Variants in TMEM132D observed in about 807,000 individuals in gnomAD.
TMEM132D encodes mature OL transmembrane protein.
TMEM132D carries 21 observed loss-of-function variants against 62.3 expected under a neutral mutation model. That is an observed-to-expected ratio of 0.34 (90% CI 0.24 to 0.49). The LOEUF (loss-of-function observed/expected upper bound fraction) is 0.49. Among genes scored for constraint, TMEM132D ranks in the 20% least tolerant of loss-of-function variants. The pLI is 0.99. For synonymous variants in TMEM132D, 621 were observed against 575.6 expected (o/e 1.08, Z -1.13); for missense variants, 1,346 against 1,402.8 (o/e 0.96, Z 0.65).
chr12:129,430,409 C>T (rs577496158), intron 3 of TMEM132D, among the ~76,000 whole-genome samples: 5 of 152,260 alleles, frequency 3.3e-5, no homozygotes, highest in East Asian at 3.9e-4. Flanking sequence ...TCATATCCTT[C>T]GCCCACTTTT....
intron 3 of TMEM132D, among the ~76,000 whole-genome samples, chr12:129,484,831 G>T (rs185547213): frequency 9.2e-5 from 14 of 152,302 alleles, no homozygotes; most frequent in Admixed American, 4.6e-4. Flanking sequence ...CAAAAGATAA[G>T]AATTCAAAAC....
At chr12:129,645,945 TC>T (rs1351001791) in intron 2 of TMEM132D, among the ~76,000 whole-genome samples, 1 of 151,988 alleles carries the variant, frequency 6.6e-6, no homozygotes, top group African/African-American at 2.4e-5. Context: ...CTCCCCTCCC[TC>T]CCCCAGAAAA....
rs115880646 is a variant in TMEM132D at position 129,743,322 on chromosome 12, G to A, written c.80-42624C>T. ...GTGCTGTGGGAGGGACCCAATGGGA[G>A]ATAATTTAATCATAGTGGCAGTTAC... On this transcript the variant is annotated intron_variant, in intron 1 of 8. Coordinates refer to ENST00000422113, the MANE Select transcript of TMEM132D (RefSeq NM_133448.3). Among the ~76,000 whole-genome samples, 541 of 152,356 alleles carry A rather than the reference G, an allele frequency of 3.6e-3. 7 individuals carry two copies. Among genetic ancestry groups the A allele is most frequent in the African/African-American group, 0.012 (509 of 41,590 alleles).
chr12:129,737,795 G>A (rs768546822), intron 1 of TMEM132D, among the ~76,000 whole-genome samples: 26 of 152,192 alleles, frequency 1.7e-4, no homozygotes, highest in Non-Finnish European at 3.1e-4. Flanking sequence ...ATTATCTAAA[G>A]TTAACATTCA....
intron 1 of TMEM132D, among the ~76,000 whole-genome samples, chr12:129,902,707 G>C (rs1206293784): frequency 6.6e-6 from 1 of 152,178 alleles, no homozygotes; most frequent in Non-Finnish European, 1.5e-5. Flanking sequence ...ACCTCACAGC[G>C]GCAGACCTGG....
intron 1 of TMEM132D, among the ~76,000 whole-genome samples, chr12:129,795,004 AG>A (rs1341488042): frequency 6.6e-6 from 1 of 152,172 alleles, no homozygotes; most frequent in Non-Finnish European, 1.5e-5. Flanking sequence ...CAGCCTACCC[AG>A]GTTTGTTTGA....
intron 1 of TMEM132D, among the ~76,000 whole-genome samples, chr12:129,782,564 G>T (rs1739694307): frequency 6.6e-6 from 1 of 152,236 alleles, no homozygotes; most frequent in Non-Finnish European, 1.5e-5. Flanking sequence ...CCCCATTCCT[G>T]CCTGTGCCCC....
At chr12:129,480,418 T>C (rs1036628997) in intron 3 of TMEM132D, among the ~76,000 whole-genome samples, 4 of 152,220 alleles carry the variant, frequency 2.6e-5, no homozygotes, top group Admixed American at 6.5e-5. Context: ...GCTGCTGTGT[T>C]GGGACTCAAA....
rs922932499 is a variant in TMEM132D, at chr12:129,702,739, G to A, written c.80-2041C>T. ...AATGACACGCAAGGCTTTTTTCTCT[G>A]CTGTATTCACAGTCTTTAAGAGAGT... On this transcript the variant is annotated intron_variant, in intron 1 of 8. Coordinates refer to ENST00000422113, the MANE Select transcript of TMEM132D (RefSeq NM_133448.3). Among the ~76,000 whole-genome samples the A allele has an allele frequency of 9.8e-5, 15 of 152,306 alleles. No individual in the cohort carries two copies. The South Asian group carries it at 1.0e-3, about 11-fold the overall frequency.
intron 4 of TMEM132D, among the ~76,000 whole-genome samples, chr12:129,275,068 C>T (rs1351752162): frequency 6.6e-6 from 1 of 152,028 alleles, no homozygotes; most frequent in African/African-American, 2.4e-5. Context: ...TTCCTTGAGG[C>T]CAGGAGTTTA....
At chr12:129,623,298 A>G (rs1160161919) in intron 2 of TMEM132D, among the ~76,000 whole-genome samples, 2 of 152,080 alleles carry the variant, frequency 1.3e-5, no homozygotes, top group African/African-American at 4.8e-5. Context: ...TTTTATTTCA[A>G]TAGCTTTAGG....
At chr12:129,355,764 T>A (rs1397526617) in intron 3 of TMEM132D, among the ~76,000 whole-genome samples, 1 of 152,234 alleles carries the variant, frequency 6.6e-6, no homozygotes, top group Admixed American at 6.5e-5. Context: ...TAACAATCTG[T>A]ACCTGCAACT....
chr12:129,318,327 A>G (rs1593335217), intron 4 of TMEM132D, among the ~76,000 whole-genome samples: 1 of 152,162 alleles, frequency 6.6e-6, no homozygotes, highest in East Asian at 1.9e-4. Flanking sequence ...CTTTTGTCCC[A>G]TGGGGTAGTC....
At chr12:129,529,281 C>T (rs1876147467) in intron 3 of TMEM132D, among the ~76,000 whole-genome samples, 1 of 152,168 alleles carries the variant, frequency 6.6e-6, no homozygotes, top group Non-Finnish European at 1.5e-5. Context: ...ATTCAGGGTC[C>T]TCGTTTCTTA....
intron 2 of TMEM132D, among the ~76,000 whole-genome samples, chr12:129,612,967 A>G (rs1017163350): frequency 7.9e-5 from 12 of 152,194 alleles, no homozygotes; most frequent in Non-Finnish European, 1.8e-4. Flanking sequence ...CTGTTTTTCA[A>G]CTTTGTAAGG....
chr12:129,807,418 A>C (rs1046904443), intron 1 of TMEM132D, among the ~76,000 whole-genome samples: 8 of 152,104 alleles, frequency 5.3e-5, no homozygotes, highest in Non-Finnish European at 4.4e-5. Flanking sequence ...TCTCCACTAA[A>C]GTTCACAGGT....
At chr12:129,175,376 C>G (rs577747542) in intron 5 of TMEM132D, among the ~76,000 whole-genome samples, 34 of 152,260 alleles carry the variant, frequency 2.2e-4, no homozygotes, top group Non-Finnish European at 4.1e-4. Flanking sequence ...TTTGATACCA[C>G]CACTTATTGC....
intron 3 of TMEM132D, among the ~76,000 whole-genome samples, chr12:129,421,579 C>T (rs1227753390): frequency 6.6e-6 from 1 of 152,154 alleles, no homozygotes; most frequent in Non-Finnish European, 1.5e-5. Flanking sequence ...TCAAAAGGTC[C>T]ACAGTGCTGA....
At chr12:129,588,196 A>C (rs998595355) in intron 2 of TMEM132D, among the ~76,000 whole-genome samples, 1 of 152,256 alleles carries the variant, frequency 6.6e-6, no homozygotes, top group African/African-American at 2.4e-5. Flanking sequence ...TCATTCGCTT[A>C]ATTCCATATT....
Sources: gnomAD v4.1 joint callset for allele counts (sites outside exome capture counted in the v4.1 genomes callset) on GRCh38, gnomAD v4.1.1 for gene constraint, MANE v1.5 for transcripts, NCBI Gene and HGNC (gene_info 2026-07-23, HGNC 2026-07-21) for gene names.